The following ZNF3 variants were observed in gnomAD, a reference collection of about 807,000 sequenced individuals.
ZNF3 encodes the protein zinc finger protein 3.
ZNF3 carries 16 observed loss-of-function variants against 36.9 expected under a neutral mutation model. The observed-to-expected ratio is 0.43, with a 90% CI of 0.29 to 0.66. The LOEUF (loss-of-function observed/expected upper bound fraction) is 0.66. Ranked by LOEUF, ZNF3 falls within the 30% of genes least tolerant of loss-of-function variation. ZNF3 has a pLI of 0.13. For missense variants in ZNF3, 462 were observed against 543.1 expected (o/e 0.85, Z 1.48); for synonymous variants, 201 against 201.9 (o/e 1.00, Z 0.04).
At position 100,071,170 on chromosome 7, in the gene ZNF3, G is replaced by C; in HGVS notation, c.1314C>G (p.Thr438=). 6.2e-7 allele frequency: 1 copy of C among 1,600,524 alleles called. No homozygotes were observed. The highest frequency in any genetic ancestry group is 8.5e-7 in the Non-Finnish European group (1 of 1,172,340). The change falls in exon 6 of 6, where the codon ACC becomes ACG. Residue 438 remains threonine, a synonymous_variant. Coordinates refer to ENST00000299667, the MANE Select transcript of ZNF3 (RefSeq NM_032924.5). The part of the protein sequence containing the change: ...GMSKSSLRVT[T]ELNIREST ...ACGTGGACTCTCTGATATTTAACTC[G>C]GTCGTAACTCTGAGGGAGCTTTTGC...
chr7:100,070,059 C>A lies in ZNF3; in HGVS notation c.*1084G>T, dbSNP rs1205391762. 1 of 985,756 alleles carries A rather than the reference C, an allele frequency of 1.0e-6. No individual in the cohort carries two copies. Among genetic ancestry groups the A allele is most frequent in the East Asian group, 1.1e-4 (1 of 8,830 alleles). The allele number at this position is 985,756 out of a possible 1,614,324, so 61.1% of individuals were successfully genotyped here. On this transcript the variant is annotated 3_prime_UTR_variant, in exon 6 of 6. Coordinates refer to ENST00000299667, the MANE Select transcript of ZNF3 (RefSeq NM_032924.5). Reference sequence around the variant, plus strand: ...TGGGAAAACACAATGGAAGGTCATCCCGTCGGTTGGGAAAACTCGGGGAGT... The same window carrying A: ...TGGGAAAACACAATGGAAGGTCATCACGTCGGTTGGGAAAACTCGGGGAGT...
intron 2 of ZNF3, chr7:100,078,746 A>T (rs1794537556): frequency 6.6e-6 from 1 of 152,120 alleles, no homozygotes; most frequent in Non-Finnish European, 1.5e-5. Flanking sequence ...ACCTCTCATT[A>T]TCTCTTTACT....
chr7:100,082,020 G>A (rs1188096754), upstream of ZNF3, among the ~76,000 whole-genome samples: 1 of 152,170 alleles, frequency 6.6e-6, no homozygotes, highest in African/African-American at 2.4e-5. Flanking sequence ...CGCCGGCCTT[G>A]GGGGCGGGCG....
intron 2 of ZNF3, 127 bp from the exon 3 acceptor site, chr7:100,077,560 CTTTTA>C: frequency 6.7e-6 from 5 of 744,030 alleles, no homozygotes; most frequent in Non-Finnish European, 9.8e-6. Flanking sequence ...TGGGACTAGT[CTTTTA>C]TTTTCTTTTA....
At chr7:100,065,107 AT>A (rs1792579622), downstream of ZNF3, 2 of 868,282 alleles carry the variant, frequency 2.3e-6, no homozygotes, top group Admixed American at 6.3e-5. Flanking sequence ...GGAGAAAACT[AT>A]TCCTACTGGT....
chr7:100,071,320 T>A lies in ZNF3; in HGVS notation c.1164A>T (p.Arg388Ser). 6.2e-7 allele frequency: 1 copy of A among 1,613,308 alleles called. No homozygotes were observed. Among genetic ancestry groups the A allele is most frequent in the Non-Finnish European group, 8.5e-7 (1 of 1,179,772 alleles). Residue 388 changes from arginine (R) to serine (S), a missense_variant, in exon 6 of 6, where the codon AGA (arginine) becomes AGT (serine). Arg to Ser is a moderately radical substitution (Grantham distance 110, BLOSUM62 -1). Transcript: ENST00000299667. ...CATAGGGGTTCTCCCCGGTGTGGAT[T>A]CTTTGATGCTGAATAAGGCCTGAAC... Reference protein sequence around the residue: ...TYSSGLIQHQRIHTGENPYEC... With the variant: ...TYSSGLIQHQSIHTGENPYEC...
chr7:100,070,279 T>C lies in ZNF3; in HGVS notation c.*864A>G. The C allele has an allele frequency of 1.0e-6, 1 of 984,526 alleles. No homozygotes were observed. Among genetic ancestry groups the C allele is most frequent in the Non-Finnish European group, 1.2e-6 (1 of 829,832 alleles). The allele number at this position is 984,526 out of a possible 1,614,324, so 61.0% of individuals were successfully genotyped here. A position where few individuals can be genotyped will look rare whatever the true frequency, so the allele number is the denominator to read the frequency against. On this transcript the variant is annotated 3_prime_UTR_variant, in exon 6 of 6. Transcript: ENST00000299667. ...GGCTCCTGGGGCTGGGTGTCAGAGG[T>C]GAGAGGGCAGGGCAAGCAGGCCAAG... is the stretch of plus-strand genomic sequence containing the variant.
chr7:100,076,484 C>A (rs1215174237), intron 3 of ZNF3, among the ~76,000 whole-genome samples: 1 of 151,638 alleles, frequency 6.6e-6, no homozygotes, highest in Non-Finnish European at 1.5e-5. Flanking sequence ...AGTAGAGATG[C>A]GGTTTCACTG....
chr7:100,076,359 C>A (rs1370207137), intron 3 of ZNF3, among the ~76,000 whole-genome samples: 2 of 151,446 alleles, frequency 1.3e-5, no homozygotes, highest in East Asian at 3.9e-4. Context: ...GTGGCGTGAT[C>A]TCGGCTCACT....
At chr7:100,075,420 G>A (rs1793926218) in intron 4 of ZNF3, 122 bp downstream of exon 4, 1 of 1,506,100 alleles carries the variant, frequency 6.6e-7, no homozygotes, top group Non-Finnish European at 9.2e-7. Flanking sequence ...AGAAGGTGAG[G>A]GTCCATGATT....
Position 100,071,871 on chromosome 7 carries a change from A to G in ZNF3, c.613T>C (p.Cys205Arg), listed in dbSNP as rs1793217443. 6.2e-7 allele frequency: 1 copy of G among 1,614,096 alleles called. No individual in the cohort carries two copies. The highest frequency in any genetic ancestry group is 1.7e-5 in the Admixed American group (1 of 59,998). Residue 205 changes from cysteine to arginine, a missense_variant, in exon 6 of 6, where the codon TGT becomes CGT. By Grantham distance (180) the Cys-to-Arg change is radical (BLOSUM62 -3). Transcript: ENST00000299667. ...GAAGTTCGATTAAAGCTCTTGCTACATTCATCACACTTATGGGGTCTGTCT... is the reference window on the plus strand; with the variant it reads ...GAAGTTCGATTAAAGCTCTTGCTACGTTCATCACACTTATGGGGTCTGTCT... ...VGDRPHKCDE[C>R]SKSFNRTSDL...
chr7:100,072,513 T>C (rs1793359153), intron 5 of ZNF3, among the ~76,000 whole-genome samples: 1 of 152,154 alleles, frequency 6.6e-6, no homozygotes, highest in Non-Finnish European at 1.5e-5. Context: ...AGGAAGGTCA[T>C]ATTGCTTAAT....
In ZNF3 at chr7:100,070,971, T is replaced by C. The variant is rs1048875207; in HGVS notation, c.*172A>G. 5 of 1,428,702 alleles carry C rather than the reference T, an allele frequency of 3.5e-6. No homozygotes were observed. In the African/African-American group the frequency reaches 7.1e-5, roughly 20 times the overall value. 88.5% of individuals were successfully genotyped at this position (1,428,702 alleles called of 1,614,324 possible). ...ACGCCATCCACTTGCCTTGACGCTT[T>C]CTAAGGCTGGTGTGATTTCTGGGAA... On this transcript the variant is annotated 3_prime_UTR_variant, in exon 6 of 6. Transcript: ENST00000299667.
chr7:100,067,561 C>T (rs1440752025), downstream of ZNF3, among the ~76,000 whole-genome samples: 4 of 152,044 alleles, frequency 2.6e-5, no homozygotes, highest in East Asian at 5.8e-4. Context: ...TGTGCCACCA[C>T]GCCCAGCTAA....
At chr7:100,069,317 G>A (rs1792807196), downstream of ZNF3, among the ~76,000 whole-genome samples, 1 of 152,080 alleles carries the variant, frequency 6.6e-6, no homozygotes, top group South Asian at 2.1e-4. Flanking sequence ...GCACTTTGAG[G>A]CTGAGGCCGG....
rs544272987 is a variant in ZNF3 at position 100,076,730 on chromosome 7, C to T, written c.55+573G>A. On this transcript the variant is annotated intron_variant, in intron 3 of 5. Coordinates refer to ENST00000299667, the MANE Select transcript of ZNF3 (RefSeq NM_032924.5). ...TATGAAGTCGGCTGCATAGAATGCC[C>T]GAGAAATGGAATGATTGACACGGTT... 8.5e-5 allele frequency among the ~76,000 whole-genome samples: 13 copies of T among 152,220 alleles called. No individual in the cohort carries two copies. In the South Asian group the frequency reaches 2.1e-3, roughly 24 times the overall value.
At chr7:100,064,969 T>C (rs1792572766) in intron 5 of ZNF3, 2 of 1,599,410 alleles carry the variant, frequency 1.3e-6, no homozygotes, top group Non-Finnish European at 1.7e-6. Flanking sequence ...TCAAGAATTT[T>C]AATTTGTAAA....
In ZNF3 at chr7:100,071,430, T is replaced by C. The variant is rs1206551450; in HGVS notation, c.1054A>G (p.Ser352Gly). 3 of 1,614,248 alleles carry C rather than the reference T, an allele frequency of 1.9e-6. No individual in the cohort carries two copies. The highest frequency in any genetic ancestry group is 1.1e-5 in the South Asian group (1 of 91,090). Residue 352 changes from serine to glycine, a missense_variant, in exon 6 of 6, where the codon AGC (serine) becomes GGC (glycine). By Grantham distance (56) the Ser-to-Gly change is moderately conservative. Transcript: ENST00000299667. ...CNECGKAFSQ[S>G]SHLYQHQRIH... is the part of the protein sequence containing the mutation. ...CTCTGGTGCTGATAGAGGTGTGAGCTCTGGCTGAAGGCTTTCCCACATTCA... is the reference window on the plus strand; with the variant it reads ...CTCTGGTGCTGATAGAGGTGTGAGCCCTGGCTGAAGGCTTTCCCACATTCA...
At chr7:100,077,570 CTTTTA>C in intron 2 of ZNF3, 137 bp from the exon 3 acceptor site, 1 of 762,260 alleles carries the variant, frequency 1.3e-6, no homozygotes, top group Non-Finnish European at 1.9e-6. Flanking sequence ...CTTTTATTTT[CTTTTA>C]TTTTTTAATT....
Sources: allele counts gnomAD v4.1 joint callset (sites outside exome capture counted in the v4.1 genomes callset), GRCh38; gene constraint gnomAD v4.1.1; transcripts MANE v1.5; gene names NCBI Gene and HGNC (gene_info 2026-07-23, HGNC 2026-07-21).